CCDC171: variants seen among roughly 807,000 people sequenced by gnomAD.
The protein encoded by CCDC171 is coiled-coil domain containing 171, also known as coiled-coil domain-containing protein 171.
Under a neutral mutation model 168.2 loss-of-function variants are expected in CCDC171, and 177 were observed. That is an observed-to-expected ratio of 1.05 (90% CI 0.93 to 1.19). The LOEUF is 1.19. CCDC171 is among the 50% of genes most tolerant of loss of function. The pLI, the probability that CCDC171 is intolerant of heterozygous loss-of-function variation, is 0.00. For missense variants in CCDC171, 1,991 were observed against 1,539.0 expected, an observed-to-expected ratio of 1.29 and a Z score of -4.91; for synonymous variants, 687 against 540.8, an observed-to-expected ratio of 1.27 and a Z score of -3.75.
At chr9:15,807,496 C>G (rs1563773767) in intron 21 of CCDC171, among the ~76,000 whole-genome samples, 1 of 152,146 alleles carries the variant, frequency 6.6e-6, no homozygotes. Context: ...AGCCTTACTA[C>G]TGAGGTATGG....
chr9:15,756,027 A>T (rs1193683151), intron 18 of CCDC171, among the ~76,000 whole-genome samples: 1 of 152,204 alleles, frequency 6.6e-6, no homozygotes, highest in Non-Finnish European at 1.5e-5. Context: ...TATGTCAGGA[A>T]GGCAAAAGCT....
At position 15,596,262 on chromosome 9, in the gene CCDC171, G is replaced by A. The variant is rs970100521; in HGVS notation, c.675+2090G>A. On this transcript the variant is annotated intron_variant, in intron 6 of 25. Coordinates refer to ENST00000380701, the MANE Select transcript of CCDC171 (RefSeq NM_173550.4). ...GGTATTGCCTAGGTTTTCTTCTAGGGTTTTTATGGTTTCAGGTCTAACATT... is the reference window on the plus strand; with the variant it reads ...GGTATTGCCTAGGTTTTCTTCTAGGATTTTTATGGTTTCAGGTCTAACATT... Among the ~76,000 whole-genome samples the A allele has an allele frequency of 5.1e-3, 772 of 152,162 alleles. 8 individuals carry two copies. The highest frequency in any genetic ancestry group is 0.018 in the African/African-American group (741 of 41,538).
At chr9:15,592,142 G>A (rs1265270759) in intron 5 of CCDC171, among the ~76,000 whole-genome samples, 1 of 147,170 alleles carries the variant, frequency 6.8e-6, no homozygotes, top group Non-Finnish European at 1.5e-5. Flanking sequence ...TTTTTTTGAA[G>A]TAACAGTTTA....
chr9:15,717,670 A>G (rs940238830), intron 11 of CCDC171, among the ~76,000 whole-genome samples: 51 of 152,230 alleles, frequency 3.4e-4, no homozygotes, highest in African/African-American at 1.2e-3. Flanking sequence ...AGTACAAGGC[A>G]GAGTCCTGAG....
At chr9:15,715,112 G>A (rs561552135) in intron 11 of CCDC171, among the ~76,000 whole-genome samples, 2 of 152,270 alleles carry the variant, frequency 1.3e-5, no homozygotes, top group East Asian at 1.9e-4. Context: ...GCCACATGGA[G>A]CTTATCAAGC....
At chr9:15,746,300 A>G (rs1588264716) in intron 18 of CCDC171, among the ~76,000 whole-genome samples, 2 of 152,328 alleles carry the variant, frequency 1.3e-5, no homozygotes, top group Admixed American at 6.5e-5. Context: ...ATGTAAGCCT[A>G]TATGTAATGA....
At chr9:16,088,163 A>T in the CCDC171 span, among the ~76,000 whole-genome samples, 1 of 152,332 alleles carries the variant, frequency 6.6e-6, no homozygotes, top group African/African-American at 2.4e-5. Flanking sequence ...CCTTTGATAA[A>T]ATTCAACTCT....
At chr9:15,880,004 G>C (rs1818402780) in intron 24 of CCDC171, among the ~76,000 whole-genome samples, 1 of 152,022 alleles carries the variant, frequency 6.6e-6, no homozygotes, top group Non-Finnish European at 1.5e-5. Flanking sequence ...ATAGAAGAAA[G>C]TTTTTTCCTC....
intron 3 of CCDC171, among the ~76,000 whole-genome samples, chr9:16,010,629 A>G (rs1832843148): frequency 6.6e-6 from 1 of 152,110 alleles, no homozygotes; most frequent in Middle Eastern, 3.4e-3. Flanking sequence ...ACTACTGACA[A>G]TATTCTGGTT....
chr9:15,589,689 G>C (rs1474600680), intron 4 of CCDC171, among the ~76,000 whole-genome samples: 1 of 152,006 alleles, frequency 6.6e-6, no homozygotes, highest in Non-Finnish European at 1.5e-5. Flanking sequence ...TAATAAAGTT[G>C]GATACAGTTT....
chr9:15,592,964 C>T (rs560753388), intron 5 of CCDC171, among the ~76,000 whole-genome samples: 1 of 151,840 alleles, frequency 6.6e-6, no homozygotes, highest in African/African-American at 2.4e-5. Context: ...TGCTGGTGTG[C>T]TGCACCCATT....
intron 2 of CCDC171, 35 bp from the exon 3 acceptor site, chr9:15,571,589 A>T (rs2040225739): frequency 1.4e-6 from 2 of 1,459,542 alleles, no homozygotes; most frequent in Non-Finnish European, 1.8e-6. Flanking sequence ...GCTTTATGAG[A>T]AGCATATACA....
At chr9:15,598,455 G>A (rs542243630) in intron 6 of CCDC171, among the ~76,000 whole-genome samples, 141 of 152,118 alleles carry the variant, frequency 9.3e-4, no homozygotes, top group African/African-American at 2.4e-3. Context: ...GTAGTTGAGC[G>A]GTTTTGAGTG....
At chr9:15,651,485 G>C (rs1431798525) in intron 7 of CCDC171, among the ~76,000 whole-genome samples, 1 of 151,660 alleles carries the variant, frequency 6.6e-6, no homozygotes, top group Non-Finnish European at 1.5e-5. Context: ...TTGAACTCCT[G>C]ACCTCAAGCA....
intron 7 of CCDC171, among the ~76,000 whole-genome samples, chr9:15,634,231 AT>A (rs908242151): frequency 7.2e-5 from 11 of 152,158 alleles, no homozygotes; most frequent in South Asian, 2.1e-4. Flanking sequence ...AATAATTTAA[AT>A]TTTTTTTAAC....
At chr9:15,852,648 T>C (rs1434655185) in intron 23 of CCDC171, among the ~76,000 whole-genome samples, 1 of 151,712 alleles carries the variant, frequency 6.6e-6, no homozygotes, top group Non-Finnish European at 1.5e-5. Flanking sequence ...TAATAATCCA[T>C]GTCCAAATGC....
chr9:15,871,317 G>A (rs1415052206), intron 23 of CCDC171, among the ~76,000 whole-genome samples: 1 of 151,594 alleles, frequency 6.6e-6, no homozygotes, highest in Admixed American at 6.6e-5. Context: ...GAATAAAAAG[G>A]CATAGAATCT....
At chr9:15,778,538 C>T (rs4740626) in intron 19 of CCDC171, among the ~76,000 whole-genome samples, 69,556 of 147,672 alleles carry the variant, frequency 0.47, 16,570 homozygotes, top group East Asian at 0.66. Context: ...CCCAGCTACT[C>T]AGGAGGCTGA....
Position 15,818,755 on chromosome 9 carries a change from T to A in CCDC171, c.3268-27947T>A, listed in dbSNP as rs183215476. ...AAGTGACAGGGAGAATGGAACCAAGTTGGAAAACACTCTGCAGGATATTAT... is the reference window on the plus strand; with the variant it reads ...AAGTGACAGGGAGAATGGAACCAAGATGGAAAACACTCTGCAGGATATTAT... On this transcript the variant is annotated intron_variant, in intron 21 of 25. Transcript: ENST00000380701. Among the ~76,000 whole-genome samples, 14 of 117,808 alleles carry A rather than the reference T, an allele frequency of 1.2e-4. 4 individuals are homozygous for A. The highest frequency in any genetic ancestry group is 9.6e-4 in the Admixed American group (12 of 12,474). The allele number at this position is 117,808 out of a possible 152,430, so 77.3% of individuals were successfully genotyped here.
Sources: allele counts gnomAD v4.1 joint callset (sites outside exome capture counted in the v4.1 genomes callset), GRCh38; gene constraint gnomAD v4.1.1; transcripts MANE v1.5; gene names NCBI Gene and HGNC (gene_info 2026-07-23, HGNC 2026-07-21).